The following PKHD1L1 variants were observed in gnomAD, a reference collection of about 807,000 sequenced individuals.
The protein encoded by PKHD1L1 is fibrocystin-L.
A neutral mutation model predicts 462.9 loss-of-function variants in PKHD1L1; 434 were observed. The ratio of observed to expected loss-of-function variants is 0.94; its 90% CI spans 0.87 to 1.02. The LOEUF (loss-of-function observed/expected upper bound fraction) is 1.02, where lower values mean the gene tolerates loss of function less well. PKHD1L1 is among the 50% of genes least tolerant of loss of function. PKHD1L1 has a pLI of 0.00. For missense variants in PKHD1L1, 5,202 were observed against 5,096.1 expected (o/e 1.02, Z -0.63); for synonymous variants, 1,781 against 1,750.0 (o/e 1.02, Z -0.44).
chr8:109,496,293 T>C (rs1430970668), intron 63 of PKHD1L1, among the ~76,000 whole-genome samples: 1 of 152,130 alleles, frequency 6.6e-6, no homozygotes, highest in Non-Finnish European at 1.5e-5. Context: ...TTAATTGTAA[T>C]GTAAAGTGAC....
At chr8:109,419,312 C>A in intron 22 of PKHD1L1, 52 bp downstream of exon 22, 2 of 1,389,994 alleles carry the variant, frequency 1.4e-6, no homozygotes, top group South Asian at 1.6e-5. Context: ...TAAAATCTTA[C>A]CATGGAAATT....
intron 1 of PKHD1L1, 122 bp from the exon 2 acceptor site, chr8:109,364,425 C>T (rs1434239869): frequency 4.0e-6 from 3 of 740,970 alleles, no homozygotes; most frequent in East Asian, 5.4e-5. Flanking sequence ...GTGAATTTTA[C>T]TTTCAATCCT....
At position 109,477,325 on chromosome 8, in the gene PKHD1L1, T is replaced by G. The variant is rs1818039463; in HGVS notation, c.9018T>G (p.Ile3006Met). Residue 3006 changes from isoleucine (I) to methionine (M), a missense_variant, in exon 53 of 78, where the codon ATT becomes ATG. This residue lies in a region of PKHD1L1 where 4,497 missense variants were observed against 4,336.8 expected (regional missense o/e 1.04). Coordinates refer to ENST00000378402, the MANE Select transcript of PKHD1L1 (RefSeq NM_177531.6). ...TTAATTTCCAAGCTTACTGTTGTAT[T>G]CTCCAGGATTGCTTTCCTGTACATC... ...VVINFQAYCC[I>M]LQDCFPVHPP... The G allele has an allele frequency of 6.2e-7, 1 of 1,613,448 alleles. No homozygotes were observed. The highest frequency in any genetic ancestry group is 1.3e-5 in the African/African-American group (1 of 74,904).
intron 2 of PKHD1L1, among the ~76,000 whole-genome samples, chr8:109,372,035 G>A (rs1484055836): frequency 6.6e-6 from 1 of 152,116 alleles, no homozygotes; most frequent in South Asian, 2.1e-4. Context: ...TTCGAATTCT[G>A]TGAAGAAAGT....
chr8:109,399,033 T>G (rs1813118437), intron 12 of PKHD1L1, among the ~76,000 whole-genome samples: 1 of 152,180 alleles, frequency 6.6e-6, no homozygotes, highest in African/African-American at 2.4e-5. Flanking sequence ...TGCTTTCCTA[T>G]CTACACTAAT....
intron 2 of PKHD1L1, among the ~76,000 whole-genome samples, chr8:109,379,257 C>T (rs904360322): frequency 1.3e-4 from 20 of 152,166 alleles, no homozygotes; most frequent in African/African-American, 4.8e-4. Flanking sequence ...CGACTGCTAC[C>T]GGAACTGACC....
Position 109,491,889 on chromosome 8 carries a change from G to T in PKHD1L1, c.10131G>T (p.Gly3377=). The T allele has an allele frequency of 6.2e-7, 1 of 1,602,550 alleles. No individual in the cohort carries two copies. The highest frequency in any genetic ancestry group is 1.1e-5 in the South Asian group (1 of 90,068). ...TTTAAACAGGCATAAGAATATGGGGGAATGCCAACCGAGTCCGAGGGAATT... is the reference window on the plus strand; with the variant it reads ...TTTAAACAGGCATAAGAATATGGGGTAATGCCAACCGAGTCCGAGGGAATT... ...FTVGEGIRIW[G]NANRVRGNLI... Residue 3377 remains glycine (G), a synonymous_variant, in exon 62 of 78, where the codon GGG becomes GGT. Transcript: ENST00000378402.
At chr8:109,424,267 G>T (rs1268212722) in intron 23 of PKHD1L1, among the ~76,000 whole-genome samples, 2 of 152,036 alleles carry the variant, frequency 1.3e-5, no homozygotes, top group Non-Finnish European at 2.9e-5. Flanking sequence ...GATTCACATT[G>T]CATATACTGT....
chr8:109,491,831 G>GT, intron 61 of PKHD1L1, 42 bp from the exon 62 acceptor site: 3 of 1,513,740 alleles, frequency 2.0e-6, no homozygotes, highest in Admixed American at 2.0e-5. Context: ...ATTGACTTAT[G>GT]TTTTTTGGGG....
intron 25 of PKHD1L1, among the ~76,000 whole-genome samples, chr8:109,428,508 T>C (rs936683910): frequency 6.6e-6 from 1 of 151,992 alleles, no homozygotes; most frequent in Non-Finnish European, 1.5e-5. Flanking sequence ...AGAAAACAAG[T>C]CTGTATGGTT....
intron 2 of PKHD1L1, among the ~76,000 whole-genome samples, chr8:109,365,346 A>C (rs906429061): frequency 6.6e-6 from 1 of 152,204 alleles, no homozygotes; most frequent in South Asian, 2.1e-4. Flanking sequence ...GTCTTTAAGA[A>C]ATGAAAAGTT....
chr8:109,395,378 A>T (rs1038331190), intron 10 of PKHD1L1, among the ~76,000 whole-genome samples: 2 of 152,226 alleles, frequency 1.3e-5, no homozygotes, highest in Non-Finnish European at 2.9e-5. Flanking sequence ...AAGATCGTTT[A>T]GATTTCAAAG....
Position 109,404,614 on chromosome 8 carries a change from G to A in PKHD1L1, c.1434G>A (p.Leu478=). 1.2e-6 allele frequency: 2 copies of A among 1,607,250 alleles called. No homozygotes were observed. The highest frequency in any genetic ancestry group is 1.7e-6 in the Non-Finnish European group (2 of 1,176,062). Residue 478 remains leucine, a synonymous_variant, in exon 15 of 78, where the codon CTG becomes CTA. Coordinates refer to ENST00000378402, the MANE Select transcript of PKHD1L1 (RefSeq NM_177531.6). ...TAAGTGCATTTGTTGATGTTGGACT[G>A]TACCAGTATCGAAATGTTTATACTG... is the stretch of plus-strand genomic sequence containing the variant. The part of the protein sequence containing the change: ...YRLSAFVDVG[L]YQYRNVYTEQ...
At chr8:109,386,983 T>C (rs1812476513) in intron 6 of PKHD1L1, among the ~76,000 whole-genome samples, 1 of 152,178 alleles carries the variant, frequency 6.6e-6, no homozygotes, top group African/African-American at 2.4e-5. Context: ...TGAGCTATTA[T>C]ATGTAAATAT....
At chr8:109,363,027 T>G (rs1164886270) in intron 1 of PKHD1L1, among the ~76,000 whole-genome samples, 1 of 152,100 alleles carries the variant, frequency 6.6e-6, no homozygotes, top group Admixed American at 6.6e-5. Context: ...CCATTCTTCT[T>G]GGGTCGCTTT....
chr8:109,424,596 A>G (rs558945185), intron 23 of PKHD1L1, among the ~76,000 whole-genome samples: 7 of 152,258 alleles, frequency 4.6e-5, no homozygotes, highest in Non-Finnish European at 1.5e-5. Context: ...AGCACTGAAC[A>G]TTAAACAAGT....
intron 2 of PKHD1L1, among the ~76,000 whole-genome samples, chr8:109,365,985 G>A (rs929624822): frequency 2.6e-5 from 4 of 151,544 alleles, no homozygotes; most frequent in Non-Finnish European, 5.9e-5. Flanking sequence ...AGAAGAAGAA[G>A]AAAAAAAGAA....
Position 109,441,163 on chromosome 8 carries a change from T to A in PKHD1L1, c.4100-112T>A, listed in dbSNP as rs1370721442. 9.5e-6 allele frequency: 7 copies of A among 735,416 alleles called. No homozygotes were observed. The Admixed American group carries it at 1.4e-4, about 15-fold the overall frequency. 45.6% of individuals were successfully genotyped at this position (735,416 alleles called of 1,614,324 possible). A position where few individuals can be genotyped will look rare whatever the true frequency, so the allele number is the denominator to read the frequency against. ...GAAGATCCTGCTATATAAGGCAGAG[T>A]TTTTTTTAGGGTCTTGGCTGTTGAT... On this transcript the variant is annotated intron_variant, in intron 33 of 77. Coordinates refer to ENST00000378402, the MANE Select transcript of PKHD1L1 (RefSeq NM_177531.6).
chr8:109,430,403 G>A (rs1221820588), intron 27 of PKHD1L1, among the ~76,000 whole-genome samples: 1 of 152,064 alleles, frequency 6.6e-6, no homozygotes, highest in East Asian at 1.9e-4. Flanking sequence ...TTTATTCTAT[G>A]AGACCACTTC....
Sources: allele counts gnomAD v4.1 joint callset (sites outside exome capture counted in the v4.1 genomes callset), GRCh38; gene constraint gnomAD v4.1.1; regional missense constraint gnomAD v4.1.1; transcripts MANE v1.5; gene names NCBI Gene and HGNC (gene_info 2026-07-23, HGNC 2026-07-21).